The following EYS variants were observed in gnomAD, a reference collection of about 807,000 sequenced individuals.
EYS encodes EGF-like photoreceptor maintenance factor.
A neutral mutation model predicts 282.1 loss-of-function variants in EYS; 250 were observed. The ratio of observed to expected loss-of-function variants is 0.89; its 90% CI spans 0.80 to 0.98. EYS has a LOEUF of 0.98. Ranked by LOEUF, EYS falls within the 50% of genes least tolerant of loss-of-function variation. The probability of loss-of-function intolerance (pLI) is 0.00; values close to 1 mark genes in which losing one functional copy is unlikely to be tolerated. For synonymous variants in EYS, 1,355 were observed against 1,282.9 expected (o/e 1.06, Z -1.20); for missense variants, 4,016 against 3,709.0 (o/e 1.08, Z -2.15).
chr6:64,446,563 TTTTTG>T (rs911984432), intron 26 of EYS, among the ~76,000 whole-genome samples: 3 of 152,064 alleles, frequency 2.0e-5, no homozygotes, highest in Non-Finnish European at 2.9e-5. Flanking sequence ...TTTTCATTTT[TTTTTG>T]TTTTGTTTTG....
chr6:65,078,208 T>C (rs1774115679), intron 12 of EYS, among the ~76,000 whole-genome samples: 1 of 152,132 alleles, frequency 6.6e-6, no homozygotes, highest in Non-Finnish European at 1.5e-5. Context: ...CAGCATGCAC[T>C]TTATGTTTGC....
At chr6:64,076,704 G>GCCCC (rs1771782837) in intron 32 of EYS, among the ~76,000 whole-genome samples, 1 of 151,900 alleles carries the variant, frequency 6.6e-6, no homozygotes, top group Admixed American at 6.6e-5. Flanking sequence ...GTGGAACTGT[G>GCCCC]AGTCCATTAA....
intron 28 of EYS, among the ~76,000 whole-genome samples, chr6:64,415,827 T>C (rs1052644153): frequency 6.6e-6 from 1 of 152,174 alleles, no homozygotes; most frequent in African/African-American, 2.4e-5. Flanking sequence ...CTCAGACAAA[T>C]GGTAAGCTGT....
intron 2 of EYS, among the ~76,000 whole-genome samples, chr6:65,504,294 A>G (rs1766570206): frequency 6.6e-6 from 1 of 151,634 alleles, no homozygotes; most frequent in Non-Finnish European, 1.5e-5. Flanking sequence ...ACAGTATTAA[A>G]TTTTATCCTG....
At chr6:65,081,461 A>G (rs1322698631) in intron 12 of EYS, among the ~76,000 whole-genome samples, 3 of 152,088 alleles carry the variant, frequency 2.0e-5, no homozygotes, top group Non-Finnish European at 4.4e-5. Flanking sequence ...TACAACAAAT[A>G]CTTTGCTCTA....
At chr6:64,504,708 C>A (rs1046085379) in intron 26 of EYS, among the ~76,000 whole-genome samples, 1 of 152,060 alleles carries the variant, frequency 6.6e-6, no homozygotes, top group African/African-American at 2.4e-5. Flanking sequence ...AGGAAAGGGC[C>A]TTAGGGACAG....
intron 2 of EYS, among the ~76,000 whole-genome samples, chr6:65,504,791 A>G (rs544444693): frequency 6.6e-6 from 1 of 151,558 alleles, no homozygotes; most frequent in East Asian, 1.9e-4. Context: ...TATTCTTTTT[A>G]CTTATTGTTG....
intron 1 of EYS, among the ~76,000 whole-genome samples, chr6:65,678,580 G>A (rs1294489770): frequency 1.3e-5 from 2 of 151,736 alleles, no homozygotes; most frequent in African/African-American, 4.8e-5. Flanking sequence ...AAAAGCACAG[G>A]AAACAAAAGC....
chr6:64,845,988 C>G (rs967081619), intron 19 of EYS, among the ~76,000 whole-genome samples: 5 of 151,984 alleles, frequency 3.3e-5, no homozygotes, highest in Non-Finnish European at 7.4e-5. Context: ...ATCTAAGAAA[C>G]TCTTCTTTTG....
intron 15 of EYS, among the ~76,000 whole-genome samples, chr6:64,930,013 TGTAA>T (rs1768657509): frequency 6.6e-6 from 1 of 152,166 alleles, no homozygotes; most frequent in Non-Finnish European, 1.5e-5. Flanking sequence ...TGATACAAAC[TGTAA>T]GTGTCTGCTA....
intron 31 of EYS, among the ~76,000 whole-genome samples, chr6:64,133,947 C>T (rs1462082431): frequency 6.6e-6 from 1 of 151,768 alleles, no homozygotes; most frequent in Non-Finnish European, 1.5e-5. Context: ...GGAAGCTTCT[C>T]TGAAGTGGTG....
chr6:64,876,275 T>C (rs1032159313), intron 19 of EYS, among the ~76,000 whole-genome samples: 2 of 152,116 alleles, frequency 1.3e-5, no homozygotes. Context: ...AAAGTCAGCA[T>C]TTTAAAAGTC....
At chr6:63,764,470 C>A (rs998202373) in intron 40 of EYS, among the ~76,000 whole-genome samples, 3 of 151,718 alleles carry the variant, frequency 2.0e-5, no homozygotes, top group Non-Finnish European at 2.9e-5. Context: ...AGTAAAAATT[C>A]TTATTAAAGA....
chr6:64,043,075 A>G (rs1770462672), intron 33 of EYS, among the ~76,000 whole-genome samples: 1 of 152,188 alleles, frequency 6.6e-6, no homozygotes, highest in South Asian at 2.1e-4. Context: ...TGATGATTAA[A>G]TGTTAATCAT....
intron 5 of EYS, among the ~76,000 whole-genome samples, chr6:65,451,311 ATTTG>A (rs2150401844): frequency 6.6e-6 from 1 of 152,140 alleles, no homozygotes; most frequent in South Asian, 2.1e-4. Context: ...AATACCATTA[ATTTG>A]TTTATTTACA....
chr6:63,861,628 C>T (rs1181305172), intron 36 of EYS, among the ~76,000 whole-genome samples: 1 of 152,034 alleles, frequency 6.6e-6, no homozygotes, highest in Non-Finnish European at 1.5e-5. Context: ...TTTATGTGCC[C>T]CCTAGAATCA....
chr6:65,295,898 C>A lies in EYS; in HGVS notation c.1988G>T (p.Gly663Val). The A allele has an allele frequency of 6.5e-7, 1 of 1,549,444 alleles. No homozygotes were observed. Among genetic ancestry groups the A allele is most frequent in the Non-Finnish European group, 8.7e-7 (1 of 1,145,950 alleles). The change falls in exon 12 of 43, where the codon GGA becomes GTA. Residue 663 changes from glycine to valine, a missense_variant. Gly to Val is a moderately radical substitution (Grantham distance 109). Coordinates refer to ENST00000503581, the MANE Select transcript of EYS (RefSeq NM_001142800.2). Reference sequence around the variant, plus strand: ...TGGGACACACTTGCGGAAGAAATATCCCCTTAAATGTGTACTAGTTGTTCC... The same window carrying A: ...TGGGACACACTTGCGGAAGAAATATACCCTTAAATGTGTACTAGTTGTTCC... ...KNGTTSTHLR[G>V]YFFRKCVPGF...
intron 12 of EYS, among the ~76,000 whole-genome samples, chr6:65,187,050 G>A (rs180807459): frequency 5.9e-4 from 90 of 151,876 alleles, no homozygotes; most frequent in African/African-American, 2.0e-3. Context: ...ATTTGGGGTT[G>A]TATACTCAAG....
intron 19 of EYS, among the ~76,000 whole-genome samples, chr6:64,878,423 GAC>G (rs1423806500): frequency 2.0e-5 from 3 of 152,046 alleles, no homozygotes; most frequent in Non-Finnish European, 4.4e-5. Context: ...AAGAAACAAA[GAC>G]AATTGAAACT....
Sources: allele counts gnomAD v4.1 joint callset (sites outside exome capture counted in the v4.1 genomes callset), GRCh38; gene constraint gnomAD v4.1.1; transcripts MANE v1.5; gene names NCBI Gene and HGNC (gene_info 2026-07-23, HGNC 2026-07-21).